Variants in ADK observed in about 807,000 individuals in gnomAD.
ADK encodes adenosine kinase.
In ADK, 24 loss-of-function variants were observed where a neutral mutation model predicts 44.7. The observed-to-expected ratio is 0.54, with a 90% confidence interval of 0.39 to 0.76. ADK has a LOEUF of 0.76. Among genes scored for constraint, ADK ranks in the 30% least tolerant of loss-of-function variants. The pLI, the probability that ADK is intolerant of heterozygous loss-of-function variation, is 0.00. For synonymous variants in ADK, 128 were observed against 142.6 expected, an observed-to-expected ratio of 0.90 and a Z score of 0.73; for missense variants, 321 against 425.1, an observed-to-expected ratio of 0.76 and a Z score of 2.15.
At chr10:74,470,162 C>T (rs1406500179) in intron 6 of ADK, among the ~76,000 whole-genome samples, 2 of 151,580 alleles carry the variant, frequency 1.3e-5, no homozygotes, top group East Asian at 3.9e-4. Context: ...GTAGCTGGGA[C>T]TACAGGTGCG....
At chr10:74,464,133 C>T (rs1340832151) in intron 6 of ADK, among the ~76,000 whole-genome samples, 1 of 152,044 alleles carries the variant, frequency 6.6e-6, no homozygotes, top group African/African-American at 2.4e-5. Flanking sequence ...AGAAAAATTA[C>T]AGCAGTACAC....
intron 4 of ADK, among the ~76,000 whole-genome samples, chr10:74,391,694 C>CAT (rs1453934454): frequency 2.0e-5 from 3 of 150,812 alleles, no homozygotes; most frequent in East Asian, 1.9e-4. Flanking sequence ...CACACACACA[C>CAT]ACATTCTCTT....
chr10:74,458,468 T>G (rs541333529), intron 6 of ADK, among the ~76,000 whole-genome samples: 69 of 152,124 alleles, frequency 4.5e-4, no homozygotes, highest in Non-Finnish European at 8.4e-4. Context: ...AGAATAGTTG[T>G]GAATTTTTGA....
At chr10:74,419,913 A>C (rs1425346948) in intron 6 of ADK, among the ~76,000 whole-genome samples, 1 of 152,212 alleles carries the variant, frequency 6.6e-6, no homozygotes, top group East Asian at 1.9e-4. Context: ...GAGTTTTTAA[A>C]TCTGCTTCTG....
chr10:74,401,248 A>G (rs564895211), intron 6 of ADK, among the ~76,000 whole-genome samples: 1 of 152,268 alleles, frequency 6.6e-6, no homozygotes, highest in East Asian at 1.9e-4. Context: ...TTAAGAAATA[A>G]TATTTCCTGG....
At chr10:74,359,724 A>G (rs1842266552) in intron 4 of ADK, among the ~76,000 whole-genome samples, 1 of 152,180 alleles carries the variant, frequency 6.6e-6, no homozygotes, top group Non-Finnish European at 1.5e-5. Context: ...TAAAAGAAAA[A>G]GAAGTGTAAT....
intron 1 of ADK, among the ~76,000 whole-genome samples, chr10:74,194,580 G>A (rs916358679): frequency 2.0e-5 from 3 of 152,154 alleles, no homozygotes; most frequent in Non-Finnish European, 4.4e-5. Context: ...GTCTAGAATT[G>A]TTTAAAATAA....
intron 2 of ADK, among the ~76,000 whole-genome samples, chr10:74,223,833 A>G (rs1844419629): frequency 2.0e-5 from 3 of 152,164 alleles, no homozygotes. Context: ...TCATGCCAGT[A>G]ATCCCAGCAA....
intron 4 of ADK, among the ~76,000 whole-genome samples, chr10:74,393,839 T>C (rs1843419315): frequency 6.6e-6 from 1 of 152,184 alleles, no homozygotes; most frequent in Admixed American, 6.5e-5. Context: ...CTTCTTATAT[T>C]GGGACCCACT....
chr10:74,477,625 T>G (rs1051707734), intron 6 of ADK, among the ~76,000 whole-genome samples: 3 of 152,212 alleles, frequency 2.0e-5, no homozygotes, highest in Admixed American at 6.5e-5. Flanking sequence ...TTACATGATT[T>G]ATCAGCTTTT....
intron 7 of ADK, among the ~76,000 whole-genome samples, chr10:74,549,142 T>C (rs1849940752): frequency 6.6e-6 from 1 of 152,228 alleles, no homozygotes; most frequent in African/African-American, 2.4e-5. Flanking sequence ...ACTTATAAAA[T>C]TGAATTTTTA....
At chr10:74,272,266 C>T (rs1049264238) in intron 3 of ADK, among the ~76,000 whole-genome samples, 12 of 151,876 alleles carry the variant, frequency 7.9e-5, no homozygotes, top group African/African-American at 2.7e-4. Flanking sequence ...GAAAACATTA[C>T]AGATATGTTC....
intron 6 of ADK, among the ~76,000 whole-genome samples, chr10:74,471,087 T>TC (rs1486150140): frequency 6.6e-6 from 1 of 151,804 alleles, no homozygotes; most frequent in African/African-American, 2.4e-5. Context: ...TTTTTTTTTT[T>TC]TTTTTGAGAT....
At chr10:74,213,536 A>G (rs72816396) in intron 2 of ADK, among the ~76,000 whole-genome samples, 1,224 of 38,336 alleles carry the variant, frequency 0.032, 19 homozygotes, top group African/African-American at 0.064. Context: ...AAAAAAAAGA[A>G]AGAGTAAAAA....
At chr10:74,305,666 T>G (rs1009712830) in intron 3 of ADK, among the ~76,000 whole-genome samples, 5 of 152,194 alleles carry the variant, frequency 3.3e-5, no homozygotes, top group Non-Finnish European at 4.4e-5. Flanking sequence ...CTTGAATCTG[T>G]TAAGAGTATG....
chr10:74,349,159 A>G (rs1841875556), intron 4 of ADK, among the ~76,000 whole-genome samples: 1 of 152,204 alleles, frequency 6.6e-6, no homozygotes, highest in African/African-American at 2.4e-5. Flanking sequence ...AAGGGCAGCC[A>G]TAGAGAAAGG....
intron 4 of ADK, among the ~76,000 whole-genome samples, chr10:74,378,085 A>G (rs1297269498): frequency 6.6e-6 from 1 of 150,998 alleles, no homozygotes; most frequent in Non-Finnish European, 1.5e-5. Flanking sequence ...AATGGAGATC[A>G]TGTGTCTACC....
At chr10:74,396,931 C>T (rs960611552) in intron 5 of ADK, among the ~76,000 whole-genome samples, 1 of 151,090 alleles carries the variant, frequency 6.6e-6, no homozygotes, top group African/African-American at 2.4e-5. Flanking sequence ...CTTCTCTAGC[C>T]TGGGCAACAA....
At chr10:74,387,328 C>T (rs879886956) in intron 4 of ADK, among the ~76,000 whole-genome samples, 1 of 152,124 alleles carries the variant, frequency 6.6e-6, no homozygotes, top group African/African-American at 2.4e-5. Flanking sequence ...TGATAAAAAG[C>T]AAATCAGTGT....
Sources: allele counts gnomAD v4.1 joint callset (sites outside exome capture counted in the v4.1 genomes callset), GRCh38; gene constraint gnomAD v4.1.1; transcripts MANE v1.5; gene names NCBI Gene and HGNC (gene_info 2026-07-23, HGNC 2026-07-21).